Variants in SLC17A9 observed in about 807,000 individuals in gnomAD.
SLC17A9 encodes the protein solute carrier family 17 member 9, also known as voltage-gated purine nucleotide uniporter SLC17A9.
SLC17A9 carries 49 observed loss-of-function variants against 55.0 expected under a neutral mutation model. That is an observed-to-expected ratio of 0.89 (90% CI 0.71 to 1.13). The LOEUF (loss-of-function observed/expected upper bound fraction) is 1.13, where lower values mean the gene tolerates loss of function less well. Among genes scored for constraint, SLC17A9 ranks in the 50% most tolerant of loss-of-function variants. SLC17A9 has a pLI of 0.00. For synonymous variants in SLC17A9, 256 were observed against 247.4 expected, an observed-to-expected ratio of 1.03 and a Z score of -0.32; for missense variants, 526 against 569.3, an observed-to-expected ratio of 0.92 and a Z score of 0.77.
chr20:62,953,857 C>T (rs1055084092), intron 1 of SLC17A9, among the ~76,000 whole-genome samples: 1 of 152,250 alleles, frequency 6.6e-6, no homozygotes, highest in African/African-American at 2.4e-5. Context: ...AGCTGGCAGC[C>T]CAGATCACAG....
Position 62,965,153 on chromosome 20 carries a change from G to A in SLC17A9, c.932G>A (p.Arg311Gln), listed in dbSNP as rs606231251. 2.2e-5 allele frequency: 36 copies of A among 1,613,982 alleles called. 1 individual carries two copies. Among genetic ancestry groups the A allele is most frequent in the South Asian group, 1.5e-4 (14 of 91,090 alleles). Residue 311 changes from arginine to glutamine, a missense_variant, in exon 9 of 13, where the codon CGG becomes CAG. Coordinates refer to ENST00000370351, the MANE Select transcript of SLC17A9 (RefSeq NM_022082.4). Reference sequence around the variant, plus strand: ...GTAGGTTACAGAGCCATCACGGTGCGGAAGCTCATGCAGGTAGGAGAATCA... The same window carrying A: ...GTAGGTTACAGAGCCATCACGGTGCAGAAGCTCATGCAGGTAGGAGAATCA... Reference protein sequence around the residue: ...INQGYRAITVRKLMQGMGLGL... With the variant: ...INQGYRAITVQKLMQGMGLGL...
At chr20:62,957,965 C>T (rs920763921) in intron 3 of SLC17A9, among the ~76,000 whole-genome samples, 1 of 152,014 alleles carries the variant, frequency 6.6e-6, no homozygotes, top group African/African-American at 2.4e-5. Flanking sequence ...AAGCAATGTG[C>T]ATGTATGTTT....
chr20:62,954,891 G>A (rs942312316), intron 1 of SLC17A9, among the ~76,000 whole-genome samples: 2 of 152,252 alleles, frequency 1.3e-5, no homozygotes, highest in Non-Finnish European at 2.9e-5. Context: ...GTGCAACTGA[G>A]CTTTCTGCTG....
Position 62,958,980 on chromosome 20 carries a change from C to T in SLC17A9, c.397+1400C>T, listed in dbSNP as rs1264082196. 6.6e-6 allele frequency among the ~76,000 whole-genome samples: 1 copy of T among 152,174 alleles called. No individual in the cohort carries two copies. Among genetic ancestry groups the T allele is most frequent in the Non-Finnish European group, 1.5e-5 (1 of 68,026 alleles). ...CCAGAGCCAGCCCCTCCAGCATCAC[C>T]GCCTCCCCAGGCACTGCCCAGGTCC... On this transcript the variant is annotated intron_variant, in intron 3 of 12. Transcript: ENST00000370351. The surrounding 1 kb of genome is among the most constrained non-coding windows in gnomAD (Gnocchi z 4.1).
chr20:62,966,438 C>T, intron 10 of SLC17A9, 87 bp from the exon 11 acceptor site: 1 of 1,480,184 alleles, frequency 6.8e-7, no homozygotes, highest in Non-Finnish European at 9.2e-7. Context: ...TCCACGAGAC[C>T]TTGCTTCCCC....
At position 62,954,052 on chromosome 20, in the gene SLC17A9, G is replaced by A. The variant is rs146727062; in HGVS notation, c.59+1163G>A. ...CCTTCACTACGTCCCTCCCAGGCTC[G>A]ATGTTTAAAAAGGAGCCCTTGCCGC... On this transcript the variant is annotated intron_variant, in intron 1 of 12. Transcript: ENST00000370351. Among the ~76,000 whole-genome samples the A allele has an allele frequency of 7.1e-4, 108 of 151,958 alleles. 2 individuals are homozygous for A. Among genetic ancestry groups the A allele is most frequent in the African/African-American group, 2.4e-3 (101 of 41,386 alleles).
At chr20:62,957,212 G>A (rs1272454473) in intron 2 of SLC17A9, 1 of 985,384 alleles carries the variant, frequency 1.0e-6, no homozygotes, top group Non-Finnish European at 1.2e-6. Context: ...GCTGGGAGGG[G>A]AGAGGCCAGG....
At position 62,957,823 on chromosome 20, in the gene SLC17A9, G is replaced by A. The variant is rs554047873; in HGVS notation, c.397+243G>A. Among the ~76,000 whole-genome samples, 4 of 149,380 alleles carry A rather than the reference G, an allele frequency of 2.7e-5. No homozygotes were observed. The South Asian group carries it at 8.5e-4, about 32-fold the overall frequency. The stretch of plus-strand genomic sequence containing the variant: ...TGCGTGTGCAAGTGTGTGTGTATGG[G>A]CATGCCCGCGTGCATGCGTGCACCT... On this transcript the variant is annotated intron_variant, in intron 3 of 12. Transcript: ENST00000370351.
intron 4 of SLC17A9, 95 bp downstream of exon 4, chr20:62,960,698 C>CT: frequency 4.2e-6 from 5 of 1,202,266 alleles, no homozygotes; most frequent in Non-Finnish European, 5.9e-6. Flanking sequence ...GCCACATGGG[C>CT]TTGCAGGGCC....
chr20:62,956,505 C>T (rs1037033129), intron 1 of SLC17A9, among the ~76,000 whole-genome samples: 5 of 152,192 alleles, frequency 3.3e-5, no homozygotes, highest in East Asian at 3.9e-4. Flanking sequence ...GGGGATGAGT[C>T]GTTGCTGTGA....
At chr20:62,957,908 T>TGTGTGTGC (rs757033141) in intron 3 of SLC17A9, among the ~76,000 whole-genome samples, 27 of 151,332 alleles carry the variant, frequency 1.8e-4, no homozygotes, top group Non-Finnish European at 3.7e-4. Flanking sequence ...TGCACCTGTG[T>TGTGTGTGC]GTGTGTGCGT....
chr20:62,956,950 A>G lies in SLC17A9; in HGVS notation c.245A>G (p.His82Arg), dbSNP rs1376173537. 2.5e-6 allele frequency: 4 copies of G among 1,613,158 alleles called. No individual in the cohort carries two copies. The African/African-American group carries it at 4.0e-5, about 16-fold the overall frequency. ...TGCCTGACACAGGTTGTGGGCGGCC[A>G]CCTCGGGGATCGGTAACTGCCCATC... The part of the protein sequence containing the change: ...GYCLTQVVGG[H>R]LGDRIGGEKV... Residue 82 changes from histidine (H) to arginine (R), a missense_variant, in exon 2 of 13, where the codon CAC becomes CGC. Coordinates refer to ENST00000370351, the MANE Select transcript of SLC17A9 (RefSeq NM_022082.4).
intron 1 of SLC17A9, among the ~76,000 whole-genome samples, chr20:62,954,404 G>C (rs1427399361): frequency 6.6e-6 from 1 of 152,266 alleles, no homozygotes; most frequent in Non-Finnish European, 1.5e-5. Context: ...TTTCTGAATG[G>C]AGGGGCCATG....
intron 11 of SLC17A9, 45 bp downstream of exon 11, chr20:62,966,625 C>A: frequency 1.9e-6 from 3 of 1,613,706 alleles, no homozygotes; most frequent in Non-Finnish European, 2.5e-6. Context: ...CCTGGGCCTC[C>A]GGGTGGGTGA....
chr20:62,967,425 C>T lies in SLC17A9; in HGVS notation c.1236C>T (p.Asn412=). ...TCAACCTTGTGGCCATCATCAGCAACCTGGGGCTGTGCACCTTCCTGGTGT... is the reference window on the plus strand; with the variant it reads ...TCAACCTTGTGGCCATCATCAGCAATCTGGGGCTGTGCACCTTCCTGGTGT... ...CLFNLVAIIS[N]LGLCTFLVFG... Residue 412 remains asparagine (N), a synonymous_variant, in exon 13 of 13, where the codon AAC becomes AAT. Transcript: ENST00000370351. The T allele has an allele frequency of 2.5e-6, 4 of 1,614,192 alleles. No homozygotes were observed. Among genetic ancestry groups the T allele is most frequent in the Non-Finnish European group, 3.4e-6 (4 of 1,180,030 alleles).
intron 3 of SLC17A9, 100 bp downstream of exon 3, chr20:62,957,680 G>C: frequency 1.8e-5 from 19 of 1,057,108 alleles, no homozygotes; most frequent in Non-Finnish European, 2.3e-5. Context: ...CGTGCATGCA[G>C]GTGGTGTACA....
intron 1 of SLC17A9, among the ~76,000 whole-genome samples, chr20:62,954,099 A>T (rs2065514901): frequency 8.5e-6 from 1 of 117,998 alleles, no homozygotes; most frequent in South Asian, 2.6e-4. Flanking sequence ...CGTCCCTCCC[A>T]GGCTCGATGT....
chr20:62,966,680 C>T (rs116780417), intron 11 of SLC17A9, 23 bp from the exon 12 acceptor site: 6 of 1,613,898 alleles, frequency 3.7e-6, no homozygotes, highest in African/African-American at 1.3e-5. Context: ...TCCATATTCT[C>T]TCTCGCTCTG....
In SLC17A9 at chr20:62,956,909, C is replaced by A. The variant is rs2065541652; in HGVS notation, c.204C>A (p.Ser68Arg). ...NKKEAGIVLS[S>R]FFWGYCLTQV... ...AGGAGGCCGGCATCGTGCTCAGCAGCTTCTTCTGGGGCTACTGCCTGACAC... is the reference window on the plus strand; with the variant it reads ...AGGAGGCCGGCATCGTGCTCAGCAGATTCTTCTGGGGCTACTGCCTGACAC... Residue 68 changes from serine to arginine, a missense_variant, in exon 2 of 13, where the codon AGC (serine) becomes AGA (arginine). Ser to Arg is a moderately radical substitution (Grantham distance 110, BLOSUM62 -1). Coordinates refer to ENST00000370351, the MANE Select transcript of SLC17A9 (RefSeq NM_022082.4). 1 of 1,613,556 alleles carries A rather than the reference C, an allele frequency of 6.2e-7. No homozygotes were observed. Among genetic ancestry groups the A allele is most frequent in the Admixed American group, 1.7e-5 (1 of 60,006 alleles).
Sources: allele counts gnomAD v4.1 joint callset (sites outside exome capture counted in the v4.1 genomes callset), GRCh38; gene constraint gnomAD v4.1.1; non-coding constraint Gnocchi (gnomAD v3.1); transcripts MANE v1.5; gene names NCBI Gene and HGNC (gene_info 2026-07-23, HGNC 2026-07-21).